DRC11: variants seen among roughly 807,000 people sequenced by gnomAD.
The protein encoded by DRC11 is dynein regulatory complex subunit 11.
the DRC11 span, among the ~76,000 whole-genome samples, chr2:236,360,306 T>G: frequency 6.6e-6 from 1 of 152,228 alleles, no homozygotes; most frequent in Non-Finnish European, 1.5e-5. This position sits in a 1 kb window ranked among gnomAD's most constrained non-coding sequence, Gnocchi z 5.8. Flanking sequence ...TGCCTCAGTT[T>G]TCTTAACAGT....
the DRC11 span, among the ~76,000 whole-genome samples, chr2:236,328,358 T>C: frequency 2.0e-5 from 3 of 152,076 alleles, no homozygotes; most frequent in East Asian, 1.9e-4. This position sits in a 1 kb window ranked among gnomAD's most constrained non-coding sequence, Gnocchi z 6.7. Flanking sequence ...TCTGGGACCA[T>C]GGAGGTAGTA....
At chr2:236,356,173 A>G in the DRC11 span, among the ~76,000 whole-genome samples, 1 of 152,084 alleles carries the variant, frequency 6.6e-6, no homozygotes, top group Non-Finnish European at 1.5e-5. Flanking sequence ...AGAACCTAAG[A>G]ATGTCCAGGG....
chr2:236,329,078 A>G, the DRC11 span, among the ~76,000 whole-genome samples: 1 of 152,206 alleles, frequency 6.6e-6, no homozygotes, highest in Non-Finnish European at 1.5e-5. Flanking sequence ...TTGGATAGCA[A>G]TGCTGGGCTA....
chr2:236,411,674 A>G, the DRC11 span, among the ~76,000 whole-genome samples: 882 of 148,372 alleles, frequency 5.9e-3, 7 homozygotes, highest in African/African-American at 0.021. Flanking sequence ...AGACTGGATT[A>G]AGAAAATGTG....
At chr2:236,329,959 A>G in the DRC11 span, among the ~76,000 whole-genome samples, 1 of 152,200 alleles carries the variant, frequency 6.6e-6, no homozygotes, top group South Asian at 2.1e-4. Flanking sequence ...ATTACTTCGG[A>G]AAGTTAAAGG....
chr2:236,369,493 A>G, the DRC11 span, among the ~76,000 whole-genome samples: 1 of 152,214 alleles, frequency 6.6e-6, no homozygotes, highest in South Asian at 2.1e-4. The surrounding 1 kb of genome is among the most constrained non-coding windows in gnomAD (Gnocchi z 4.5). Flanking sequence ...ATAGAAAGAG[A>G]TCCTGTAACA....
At chr2:236,419,506 C>A in the DRC11 span, among the ~76,000 whole-genome samples, 1 of 150,920 alleles carries the variant, frequency 6.6e-6, no homozygotes, top group Non-Finnish European at 1.5e-5. The surrounding 1 kb of genome is among the most constrained non-coding windows in gnomAD (Gnocchi z 4.8). Context: ...AGAGTCTCGA[C>A]GTTTCTGAGC....
At chr2:236,443,792 G>A in the DRC11 span, among the ~76,000 whole-genome samples, 7 of 152,256 alleles carry the variant, frequency 4.6e-5, no homozygotes, top group African/African-American at 1.7e-4. This position sits in a 1 kb window ranked among gnomAD's most constrained non-coding sequence, Gnocchi z 4.4. Flanking sequence ...TTGAGGAATC[G>A]TCACAGTCTT....
chr2:236,478,706 G>A, the DRC11 span, among the ~76,000 whole-genome samples: 1 of 151,786 alleles, frequency 6.6e-6, no homozygotes, highest in Non-Finnish European at 1.5e-5. This position sits in a 1 kb window ranked among gnomAD's most constrained non-coding sequence, Gnocchi z 5.9. Context: ...CTTTATATTT[G>A]GGTGCTCTGA....
At chr2:236,357,742 A>T in the DRC11 span, among the ~76,000 whole-genome samples, 3 of 126,900 alleles carry the variant, frequency 2.4e-5, no homozygotes, top group Non-Finnish European at 4.6e-5. Flanking sequence ...TACATATAAT[A>T]TGTAAATATA....
chr2:236,412,293 C>T, the DRC11 span, among the ~76,000 whole-genome samples: 2 of 152,192 alleles, frequency 1.3e-5, no homozygotes, highest in Non-Finnish European at 2.9e-5. Context: ...ATAGGAAGTT[C>T]ATGGTGCTGG....
At chr2:236,452,592 AC>A in the DRC11 span, among the ~76,000 whole-genome samples, 1 of 152,222 alleles carries the variant, frequency 6.6e-6, no homozygotes, top group Non-Finnish European at 1.5e-5. The surrounding 1 kb of genome is among the most constrained non-coding windows in gnomAD (Gnocchi z 4.7). Context: ...GGACTTAATT[AC>A]CATGGCCCTC....
the DRC11 span, among the ~76,000 whole-genome samples, chr2:236,325,636 T>A: frequency 7.2e-5 from 11 of 151,778 alleles, no homozygotes; most frequent in African/African-American, 2.7e-4. This position sits in a 1 kb window ranked among gnomAD's most constrained non-coding sequence, Gnocchi z 4.4. Context: ...TGAGTCTCAC[T>A]CTGTAGCCGA....
At chr2:236,447,242 A>T in the DRC11 span, among the ~76,000 whole-genome samples, 1 of 151,640 alleles carries the variant, frequency 6.6e-6, no homozygotes, top group African/African-American at 2.4e-5. This position sits in a 1 kb window ranked among gnomAD's most constrained non-coding sequence, Gnocchi z 4.6. Flanking sequence ...TCAGGATGCG[A>T]CCAGGTTGGA....
At chr2:236,311,020 T>C in the DRC11 span, among the ~76,000 whole-genome samples, 1 of 152,242 alleles carries the variant, frequency 6.6e-6, no homozygotes, top group Non-Finnish European at 1.5e-5. The surrounding 1 kb of genome is among the most constrained non-coding windows in gnomAD (Gnocchi z 6.9). Flanking sequence ...ATGCCTGCTC[T>C]GGCTGTTTGA....
the DRC11 span, among the ~76,000 whole-genome samples, chr2:236,403,626 T>TA: frequency 6.6e-6 from 1 of 152,106 alleles, no homozygotes; most frequent in Non-Finnish European, 1.5e-5. Flanking sequence ...ACATGGTATT[T>TA]AAAAAAAATT....
the DRC11 span, among the ~76,000 whole-genome samples, chr2:236,429,473 T>C: frequency 6.6e-6 from 1 of 152,086 alleles, no homozygotes; most frequent in African/African-American, 2.4e-5. The surrounding 1 kb of genome is among the most constrained non-coding windows in gnomAD (Gnocchi z 5.9). Context: ...CATGGCCAAC[T>C]GGTTATGCTC....
chr2:236,376,748 T>C, the DRC11 span, among the ~76,000 whole-genome samples: 1 of 152,204 alleles, frequency 6.6e-6, no homozygotes, highest in Non-Finnish European at 1.5e-5. This position sits in a 1 kb window ranked among gnomAD's most constrained non-coding sequence, Gnocchi z 5.7. Context: ...GTGGAGGCCT[T>C]AGGTGCTGCC....
chr2:236,422,942 A>C, the DRC11 span, among the ~76,000 whole-genome samples: 5 of 152,068 alleles, frequency 3.3e-5, no homozygotes, highest in East Asian at 1.9e-4. Flanking sequence ...AAAAAACAAG[A>C]AATGGGGAAA....
Sources: allele counts gnomAD v4.1 joint callset (sites outside exome capture counted in the v4.1 genomes callset), GRCh38; gene constraint gnomAD v4.1.1; non-coding constraint Gnocchi (gnomAD v3.1); transcripts MANE v1.5; gene names NCBI Gene and HGNC (gene_info 2026-07-23, HGNC 2026-07-21).